The following MAPK10 variants were observed in gnomAD, a reference collection of about 807,000 sequenced individuals.
The protein encoded by MAPK10 is JNK3 alpha protein kinase.
A neutral mutation model predicts 59.3 loss-of-function variants in MAPK10; 25 were observed. The ratio of observed to expected loss-of-function variants is 0.42; its 90% CI spans 0.31 to 0.59. The LOEUF (loss-of-function observed/expected upper bound fraction) is 0.59. Among genes scored for constraint, MAPK10 ranks in the 20% least tolerant of loss-of-function variants. MAPK10 has a pLI of 0.15. For missense variants in MAPK10, 351 were observed against 568.9 expected, an observed-to-expected ratio of 0.62 and a Z score of 3.90; for synonymous variants, 190 against 200.5, an observed-to-expected ratio of 0.95 and a Z score of 0.44.
At chr4:86,394,887 C>G (rs1400111417) in intron 1 of MAPK10, among the ~76,000 whole-genome samples, 6 of 152,166 alleles carry the variant, frequency 3.9e-5, no homozygotes, top group Admixed American at 3.9e-4. Flanking sequence ...GCCAAAGGTT[C>G]TGGGCCACCC....
chr4:86,522,638 T>A (rs1033243457), intron 1 of MAPK10, among the ~76,000 whole-genome samples: 2 of 152,238 alleles, frequency 1.3e-5, no homozygotes, highest in African/African-American at 4.8e-5. Context: ...GTTCTGGTTC[T>A]TTTTGTTCCC....
At chr4:86,268,175 T>C (rs2094318268) in intron 2 of MAPK10, 1 of 152,322 alleles carries the variant, frequency 6.6e-6, no homozygotes. Flanking sequence ...AGCCACATTA[T>C]CTACCAAGTT....
At chr4:86,119,019 T>A (rs965029220) in intron 4 of MAPK10, among the ~76,000 whole-genome samples, 6 of 152,182 alleles carry the variant, frequency 3.9e-5, no homozygotes, top group Admixed American at 6.5e-5. Flanking sequence ...TCAGAGAGGC[T>A]TTTTTTAGTT....
At chr4:86,272,842 T>C (rs1415221139) in intron 2 of MAPK10, among the ~76,000 whole-genome samples, 1 of 152,106 alleles carries the variant, frequency 6.6e-6, no homozygotes, top group Non-Finnish European at 1.5e-5. Context: ...GGAGTCTGCA[T>C]GCATGATGAG....
At chr4:86,172,795 AG>A (rs1375234101) in intron 3 of MAPK10, among the ~76,000 whole-genome samples, 3 of 150,984 alleles carry the variant, frequency 2.0e-5, no homozygotes, top group Admixed American at 6.6e-5. Flanking sequence ...TAAAAAAAAA[AG>A]TTACAAGCAT....
intron 11 of MAPK10, among the ~76,000 whole-genome samples, chr4:86,034,836 A>G (rs2039856664): frequency 6.6e-6 from 1 of 152,140 alleles, no homozygotes; most frequent in South Asian, 2.1e-4. Flanking sequence ...AGGAGGAAAA[A>G]AGTGACTCCA....
At chr4:86,215,999 A>G (rs1030972035) in intron 2 of MAPK10, among the ~76,000 whole-genome samples, 2 of 152,072 alleles carry the variant, frequency 1.3e-5, no homozygotes, top group Non-Finnish European at 2.9e-5. Context: ...AGAGATATGA[A>G]CCCTTGTGCC....
chr4:86,532,484 T>C (rs1274172988), intron 1 of MAPK10, among the ~76,000 whole-genome samples: 1 of 152,216 alleles, frequency 6.6e-6, no homozygotes, highest in African/African-American at 2.4e-5. Flanking sequence ...ACCAAACTGG[T>C]CTACTTAGGT....
At chr4:86,439,240 A>G (rs931863055) in intron 1 of MAPK10, among the ~76,000 whole-genome samples, 1 of 152,124 alleles carries the variant, frequency 6.6e-6, no homozygotes, top group Non-Finnish European at 1.5e-5. Flanking sequence ...TTACCCTAAA[A>G]GTTTCCTCAT....
At position 86,354,659 on chromosome 4, in the gene MAPK10, A is replaced by T; in HGVS notation, c.-121-15T>A. 1 of 1,007,584 alleles carries T rather than the reference A, an allele frequency of 9.9e-7. No individual in the cohort carries two copies. Among genetic ancestry groups the T allele is most frequent in the Non-Finnish European group, 1.3e-6 (1 of 783,314 alleles). 62.4% of individuals were successfully genotyped at this position (1,007,584 alleles called of 1,614,324 possible). On this transcript the variant is annotated splice_polypyrimidine_tract_variant and intron_variant, in intron 1 of 13. Transcript: ENST00000641462. ...CTCACACTAGCCTGAAAGCAAAGCC[A>T]AAAAACAGATGAGTTTGATTTTAAG...
At chr4:86,135,253 C>A (rs28754957) in intron 4 of MAPK10, among the ~76,000 whole-genome samples, 34,570 of 152,102 alleles carry the variant, frequency 0.23, 4,680 homozygotes, top group African/African-American at 0.38. Flanking sequence ...AAACAAAAAG[C>A]CAGCAGTAAC....
At chr4:86,466,193 A>G (rs868138030) in intron 1 of MAPK10, among the ~76,000 whole-genome samples, 3 of 152,242 alleles carry the variant, frequency 2.0e-5, no homozygotes, top group African/African-American at 7.2e-5. Flanking sequence ...GGACCCAGTT[A>G]GAAATAATGA....
At chr4:86,262,639 A>G (rs1016514293) in intron 2 of MAPK10, among the ~76,000 whole-genome samples, 16 of 152,202 alleles carry the variant, frequency 1.1e-4, no homozygotes, top group Admixed American at 1.0e-3. Flanking sequence ...TGTTGAATAA[A>G]TTAAGCAATT....
intron 1 of MAPK10, among the ~76,000 whole-genome samples, chr4:86,413,957 G>A (rs557168369): frequency 6.6e-6 from 1 of 152,266 alleles, no homozygotes; most frequent in South Asian, 2.1e-4. Flanking sequence ...AGATGAACCA[G>A]GTACCCCAGT....
At chr4:86,484,919 G>C (rs1171753000) in intron 1 of MAPK10, among the ~76,000 whole-genome samples, 1 of 152,172 alleles carries the variant, frequency 6.6e-6, no homozygotes. Flanking sequence ...AGAAAGCAGG[G>C]GGAGTGTATT....
rs1172339121 is a variant in MAPK10, at chr4:86,031,367, C to A, written c.1174+1G>T. 1 of 1,602,368 alleles carries A rather than the reference C, an allele frequency of 6.2e-7. No individual in the cohort carries two copies. The highest frequency in any genetic ancestry group is 8.5e-7 in the Non-Finnish European group (1 of 1,169,656). On this transcript the variant is annotated splice_donor_variant, in intron 12 of 13. Coordinates refer to ENST00000641462, the MANE Select transcript of MAPK10 (RefSeq NM_138982.4). LOFTEE classifies it high-confidence loss of function. Reference sequence around the variant, plus strand: ...TATACTTTTTTAAGTAGTAGACTTACCTTTCCATTCTTCAATTGTGTGTTC... The same window carrying A: ...TATACTTTTTTAAGTAGTAGACTTAACTTTCCATTCTTCAATTGTGTGTTC...
chr4:86,056,971 A>T (rs1417578984), intron 11 of MAPK10, among the ~76,000 whole-genome samples: 3 of 146,610 alleles, frequency 2.0e-5, no homozygotes, highest in African/African-American at 7.8e-5. Flanking sequence ...ATTTTATTTT[A>T]TTTATTTTTT....
intron 1 of MAPK10, among the ~76,000 whole-genome samples, chr4:86,547,689 G>A (rs1211137286): frequency 1.3e-5 from 2 of 152,228 alleles, no homozygotes; most frequent in East Asian, 3.9e-4. Flanking sequence ...GATCCACTGG[G>A]TGAAGCCAGC....
chr4:86,510,595 G>A (rs7697819), intron 1 of MAPK10, among the ~76,000 whole-genome samples: 49,418 of 150,466 alleles, frequency 0.33, 8,299 homozygotes, highest in Admixed American at 0.37. Flanking sequence ...ATATCTATAT[G>A]CATGTATATA....
Sources: allele counts gnomAD v4.1 joint callset (sites outside exome capture counted in the v4.1 genomes callset), GRCh38; gene constraint gnomAD v4.1.1; transcripts MANE v1.5; gene names NCBI Gene and HGNC (gene_info 2026-07-23, HGNC 2026-07-21).